The following JMJD1C variants were observed in gnomAD, a reference collection of about 807,000 sequenced individuals.
JMJD1C encodes jumonji domain-containing protein 1C.
Under a neutral mutation model 245.3 loss-of-function variants are expected in JMJD1C, and 31 were observed. The observed-to-expected ratio is 0.13, with a 90% CI of 0.09 to 0.17. The LOEUF is 0.17. JMJD1C is among the 10% of genes least tolerant of loss of function. JMJD1C has a pLI of 1.00. For synonymous variants in JMJD1C, 1,057 were observed against 1,017.4 expected, an observed-to-expected ratio of 1.04 and a Z score of -0.74; for missense variants, 2,691 against 3,000.2, an observed-to-expected ratio of 0.90 and a Z score of 2.41.
rs771817477 is a variant in JMJD1C, at chr10:63,214,832, T to C, written c.1335A>G (p.Glu445=). 32 of 1,613,772 alleles carry C rather than the reference T, an allele frequency of 2.0e-5. No homozygotes were observed. The highest frequency in any genetic ancestry group is 3.4e-6 in the Non-Finnish European group (4 of 1,180,000). The change falls in exon 8 of 26, where the codon GAA becomes GAG. Residue 445 remains glutamate, a synonymous_variant. Transcript: ENST00000399262. ...TGTCAACAGACTTCCGCTTCTCTGC[T>C]TCTTCATGTTTTTTATCTTCCTGTA... ...DQIQEDKKHE[E]AEKRKSVDTQ...
chr10:63,388,649 C>A (rs1015980871), intron 1 of JMJD1C, among the ~76,000 whole-genome samples: 2 of 152,044 alleles, frequency 1.3e-5, no homozygotes, highest in Non-Finnish European at 2.9e-5. Flanking sequence ...GAGAAAGGAA[C>A]AATGAATACA....
intron 1 of JMJD1C, among the ~76,000 whole-genome samples, chr10:63,479,488 A>G (rs1564960795): frequency 6.6e-6 from 1 of 152,188 alleles, no homozygotes; most frequent in African/African-American, 2.4e-5. Context: ...TCAAAAATGA[A>G]ATTTTTGCCA....
intron 1 of JMJD1C, among the ~76,000 whole-genome samples, chr10:63,441,831 C>T (rs1951406175): frequency 6.6e-6 from 1 of 152,154 alleles, no homozygotes; most frequent in Non-Finnish European, 1.5e-5. Context: ...TGTTATTCTA[C>T]GGCTATTATA....
At chr10:63,253,971 T>C (rs562741503) in intron 3 of JMJD1C, among the ~76,000 whole-genome samples, 1 of 152,328 alleles carries the variant, frequency 6.6e-6, no homozygotes, top group Admixed American at 6.5e-5. Flanking sequence ...ATAACAAACC[T>C]GGCCCTTAAA....
In JMJD1C at chr10:63,411,192, C is replaced by G. The variant is rs181348658; in HGVS notation, c.169-30710G>C. Among the ~76,000 whole-genome samples the G allele has an allele frequency of 1.0e-3, 159 of 151,966 alleles. 2 individuals are homozygous for G. Among genetic ancestry groups the G allele is most frequent in the African/African-American group, 3.7e-3 (154 of 41,420 alleles). On this transcript the variant is annotated intron_variant, in intron 1 of 25. Coordinates refer to ENST00000399262, the MANE Select transcript of JMJD1C (RefSeq NM_032776.3). ...TCATCTTTGGTGATAGAACTGAGAT[C>G]AGTGGAACAGAGGGGCGGTATAGAC...
intron 2 of JMJD1C, chr10:63,301,757 T>A (rs1434174834): frequency 4.5e-6 from 2 of 449,310 alleles, no homozygotes; most frequent in Non-Finnish European, 8.9e-6. Flanking sequence ...GGCACGTGTA[T>A]ACATACCTAT....
chr10:63,214,746 T>C lies in JMJD1C; in HGVS notation c.1421A>G (p.Asn474Ser). The change falls in exon 8 of 26, where the codon AAT becomes AGT. Residue 474 changes from asparagine to serine, a missense_variant. Transcript: ENST00000399262. Reference protein sequence around the residue: ...SSEQSTVSDHNSNDLLPQECN... With the variant: ...SSEQSTVSDHSSNDLLPQECN... ...TTCCTGAGGAAGTAAATCATTAGAA[T>C]TATGATCAGAAACTGTGGACTGTTC... 1 of 1,613,940 alleles carries C rather than the reference T, an allele frequency of 6.2e-7. No individual in the cohort carries two copies. The highest frequency in any genetic ancestry group is 8.5e-7 in the Non-Finnish European group (1 of 1,179,926).
intron 2 of JMJD1C, among the ~76,000 whole-genome samples, chr10:63,306,211 TC>T (rs764505783): frequency 1.7e-4 from 26 of 152,098 alleles, no homozygotes; most frequent in South Asian, 6.2e-4. Context: ...TGCCTCAGCC[TC>T]CAGTGTAGCT....
intron 3 of JMJD1C, among the ~76,000 whole-genome samples, chr10:63,245,027 T>C (rs908312853): frequency 1.3e-5 from 2 of 149,726 alleles, no homozygotes; most frequent in African/African-American, 4.9e-5. Context: ...ATCCTAGCTA[T>C]TCGGGAGGCT....
chr10:63,306,144 C>T (rs1938195138), intron 2 of JMJD1C, among the ~76,000 whole-genome samples: 1 of 152,164 alleles, frequency 6.6e-6, no homozygotes, highest in South Asian at 2.1e-4. Context: ...GGCTGGAGTG[C>T]ACTGGTGTGA....
intron 1 of JMJD1C, among the ~76,000 whole-genome samples, chr10:63,478,077 T>G (rs1240627127): frequency 6.6e-6 from 1 of 152,090 alleles, no homozygotes; most frequent in East Asian, 1.9e-4. Flanking sequence ...CATACAGTGC[T>G]GACTGGAAGT....
intron 1 of JMJD1C, among the ~76,000 whole-genome samples, chr10:63,485,377 T>C (rs1290038031): frequency 1.3e-5 from 2 of 152,146 alleles, no homozygotes; most frequent in South Asian, 4.1e-4. Context: ...TGCAAGCCTT[T>C]CTTACAGTCT....
chr10:63,465,642 T>C lies in JMJD1C; in HGVS notation c.21A>G (p.Ala7=), dbSNP rs758087666. Reference sequence around the variant, plus strand: ...ACAGGAACCGCTTACCCACCAGCTCTGCCCGCGTCTCTACCGCCATAGCTG... The same window carrying C: ...ACAGGAACCGCTTACCCACCAGCTCCGCCCGCGTCTCTACCGCCATAGCTG... MAVETR[A]ELVGKRFLCV... Residue 7 remains alanine, a synonymous_variant, in exon 1 of 26, where the codon GCA becomes GCG. Coordinates refer to ENST00000399262, the MANE Select transcript of JMJD1C (RefSeq NM_032776.3). The C allele has an allele frequency of 6.2e-7, 1 of 1,609,476 alleles. No homozygotes were observed. Among genetic ancestry groups the C allele is most frequent in the South Asian group, 1.1e-5 (1 of 91,086 alleles).
intron 16 of JMJD1C, among the ~76,000 whole-genome samples, chr10:63,191,938 C>A (rs1844855964): frequency 8.4e-6 from 1 of 118,600 alleles, no homozygotes; most frequent in Admixed American, 1.1e-4. Flanking sequence ...GAGCCGAGAT[C>A]ATGCCATTGC....
At chr10:63,463,164 A>ATATT (rs1012157733) in intron 1 of JMJD1C, among the ~76,000 whole-genome samples, 8 of 151,832 alleles carry the variant, frequency 5.3e-5, no homozygotes, top group Admixed American at 1.3e-4. Flanking sequence ...TTCTTTTTAC[A>ATATT]TATTTATTTA....
intron 2 of JMJD1C, among the ~76,000 whole-genome samples, chr10:63,326,537 T>C (rs1246993197): frequency 1.3e-5 from 2 of 151,926 alleles, no homozygotes; most frequent in Non-Finnish European, 2.9e-5. Flanking sequence ...ATCAGACTGG[T>C]GGAGGCGGAG....
At chr10:63,454,754 CCA>C (rs1952300172) in intron 1 of JMJD1C, among the ~76,000 whole-genome samples, 1 of 152,136 alleles carries the variant, frequency 6.6e-6, no homozygotes, top group South Asian at 2.1e-4. Flanking sequence ...TATTGAAGTG[CCA>C]CACATTAGTG....
intron 2 of JMJD1C, chr10:63,268,638 G>C (rs1249966176): frequency 1.1e-6 from 1 of 899,254 alleles, no homozygotes; most frequent in African/African-American, 1.8e-5. Context: ...AAAAGAAAAA[G>C]GAAGCAGAAA....
intron 1 of JMJD1C, chr10:63,521,349 G>A (rs1955228170): frequency 6.8e-6 from 1 of 147,262 alleles, no homozygotes; most frequent in African/African-American, 2.4e-5. Context: ...GGGCGGGGGC[G>A]GGCGGGGACG....
Sources: gnomAD v4.1 joint callset for allele counts (sites outside exome capture counted in the v4.1 genomes callset) on GRCh38, gnomAD v4.1.1 for gene constraint, MANE v1.5 for transcripts, NCBI Gene and HGNC (gene_info 2026-07-23, HGNC 2026-07-21) for gene names.